PLS3: variants seen among roughly 807,000 people sequenced by gnomAD.
PLS3 encodes the protein plastin-3.
A neutral mutation model predicts 46.5 loss-of-function variants in PLS3; 11 were observed. That is an observed-to-expected ratio of 0.24 (90% CI 0.15 to 0.39). The LOEUF (loss-of-function observed/expected upper bound fraction) is 0.39. Among genes scored for constraint, PLS3 ranks in the 10% least tolerant of loss-of-function variants. The pLI, the probability that PLS3 is intolerant of heterozygous loss-of-function variation, is 1.00. For missense variants in PLS3, 308 were observed against 461.8 expected, an observed-to-expected ratio of 0.67 and a Z score of 3.05; for synonymous variants, 167 against 162.2, an observed-to-expected ratio of 1.03 and a Z score of -0.22.
chrX:115,637,254 A>G (rs2074847306), intron 8 of PLS3, among the ~76,000 whole-genome samples: 1 of 112,020 alleles, frequency 8.9e-6, no homozygotes, highest in African/African-American at 3.2e-5. Context: ...ATTAAAGAAT[A>G]GGACATGACT....
intron 2 of PLS3, 136 bp downstream of exon 2, chrX:115,610,459 G>T: frequency 3.0e-6 from 1 of 333,893 alleles, no homozygotes. Context: ...ATAAAGTTTT[G>T]GAAGCTATAC....
chrX:115,600,397 G>C (rs1556634412), intron 1 of PLS3, among the ~76,000 whole-genome samples: 1 of 110,646 alleles, frequency 9.0e-6, no homozygotes, highest in African/African-American at 3.3e-5. Context: ...AAAGCACTGG[G>C]ATTATAGGCA....
intron 1 of PLS3, among the ~76,000 whole-genome samples, chrX:115,591,200 T>A: frequency 8.9e-6 from 1 of 112,838 alleles, no homozygotes; most frequent in Non-Finnish European, 1.9e-5. Context: ...GTAGAAGATG[T>A]GCCCTTTTGA....
chrX:115,589,543 T>C (rs1398746919), intron 1 of PLS3, among the ~76,000 whole-genome samples: 3 of 111,730 alleles, frequency 2.7e-5, no homozygotes, highest in Non-Finnish European at 5.6e-5. Flanking sequence ...TTTGTTTTTA[T>C]AAGTCATGAA....
rs183334159 is a variant in PLS3, at chrX:115,639,737, G to A, written c.892-671G>A. On this transcript the variant is annotated intron_variant, in intron 8 of 15. Transcript: ENST00000355899. ...AATAGTTTTCAAGCTGTGTTTTGTG[G>A]AGTTGTCCACACAACCTGAATTCAT... is the stretch of plus-strand genomic sequence containing the variant. The A allele has an allele frequency of 1.4e-5, 5 of 346,367 alleles. No individual in the cohort carries two copies. The Admixed American group carries it at 1.5e-4, about 11-fold the overall frequency. 28.5% of individuals were successfully genotyped at this position (346,367 alleles called of 1,213,427 possible). A position where few individuals can be genotyped will look rare whatever the true frequency, so the allele number is the denominator to read the frequency against.
At chrX:115,627,719 G>A (rs1556638656) in intron 3 of PLS3, among the ~76,000 whole-genome samples, 1 of 112,132 alleles carries the variant, frequency 8.9e-6, no homozygotes, top group Non-Finnish European at 1.9e-5. Flanking sequence ...AGTATTTAGA[G>A]TAGTGTGTAT....
chrX:115,611,343 G>A (rs186715476), intron 2 of PLS3, among the ~76,000 whole-genome samples: 11 of 111,447 alleles, frequency 9.9e-5, no homozygotes, highest in Admixed American at 5.6e-4. Flanking sequence ...ATGATCGCGC[G>A]CACGCGCGTG....
chrX:115,630,247 G>A (rs1013994763), intron 5 of PLS3, among the ~76,000 whole-genome samples: 1 of 110,998 alleles, frequency 9.0e-6, no homozygotes, highest in African/African-American at 3.3e-5. Flanking sequence ...GTATGTCAGT[G>A]TCTCTTTATT....
chrX:115,640,524 G>A, intron 9 of PLS3, 21 bp downstream of exon 9: 1 of 880,424 alleles, frequency 1.1e-6, no homozygotes, highest in African/African-American at 1.9e-5. Flanking sequence ...GTGCTCTTTT[G>A]AATTCTACAA....
At chrX:115,613,561 A>G (rs150324522) in intron 2 of PLS3, among the ~76,000 whole-genome samples, 2 of 112,283 alleles carry the variant, frequency 1.8e-5, no homozygotes, top group African/African-American at 6.5e-5. Flanking sequence ...GTGCTCTTTC[A>G]TTGTGCCATC....
In PLS3 at chrX:115,646,500, C is replaced by G. The variant is rs35211005; in HGVS notation, c.1476C>G (p.Thr492=). The change falls in exon 13 of 16, where the codon ACC becomes ACG. Residue 492 remains threonine, a synonymous_variant. Coordinates refer to ENST00000355899, the MANE Select transcript of PLS3 (RefSeq NM_005032.7). ...GGQDLNDGNQ[T]LTLALVWQLM... is the part of the protein sequence containing the mutation. Reference sequence around the variant, plus strand: ...AAGACCTGAATGATGGGAACCAAACCCTGACTTTAGCTTTAGTCTGGCAGC... The same window carrying G: ...AAGACCTGAATGATGGGAACCAAACGCTGACTTTAGCTTTAGTCTGGCAGC... The G allele has an allele frequency of 8.2e-4, 989 of 1,209,616 alleles. 9 individuals carry two copies. The highest frequency in any genetic ancestry group is 3.9e-4 in the Admixed American group (18 of 45,681).
intron 3 of PLS3, among the ~76,000 whole-genome samples, chrX:115,626,696 C>T (rs2074714308): frequency 9.0e-6 from 1 of 110,964 alleles, no homozygotes; most frequent in African/African-American, 3.3e-5. Flanking sequence ...GGTCATGTAA[C>T]TTTTGCAAGA....
At chrX:115,590,847 CAAAA>C (rs2031432773) in intron 1 of PLS3, among the ~76,000 whole-genome samples, 1 of 109,135 alleles carries the variant, frequency 9.2e-6, no homozygotes, top group African/African-American at 3.3e-5. Context: ...ATAAAAGAAA[CAAAA>C]AACTGGCCGG....
chrX:115,600,264 G>A (rs1176801064), intron 1 of PLS3, among the ~76,000 whole-genome samples: 1 of 110,593 alleles, frequency 9.0e-6, no homozygotes, highest in East Asian at 2.8e-4. Context: ...TAGGACTACA[G>A]GCTCAGGCCA....
At chrX:115,628,271 GT>G (rs1366486876) in intron 3 of PLS3, among the ~76,000 whole-genome samples, 1 of 112,361 alleles carries the variant, frequency 8.9e-6, no homozygotes, top group Non-Finnish European at 1.9e-5. Flanking sequence ...ATACATATCT[GT>G]CACGAATGTT....
chrX:115,622,072 C>G, intron 2 of PLS3, 174 bp from the exon 3 acceptor site: 1 of 414,889 alleles, frequency 2.4e-6, no homozygotes, highest in Non-Finnish European at 4.2e-6. Context: ...GATGTAAAAC[C>G]TTGCTTTTTC....
At chrX:115,636,792 T>C in intron 7 of PLS3, 44 bp from the exon 8 acceptor site, 1 of 1,136,270 alleles carries the variant, frequency 8.8e-7, no homozygotes, top group Non-Finnish European at 1.2e-6. Context: ...ATGACCATTA[T>C]TGTGTCATAT....
chrX:115,623,021 C>T (rs1353927949), intron 3 of PLS3, among the ~76,000 whole-genome samples: 1 of 111,107 alleles, frequency 9.0e-6, no homozygotes, highest in Non-Finnish European at 1.9e-5. Flanking sequence ...CTTTCACCCC[C>T]CCACCCCACT....
intron 5 of PLS3, among the ~76,000 whole-genome samples, chrX:115,631,363 G>T (rs782681803): frequency 9.1e-6 from 1 of 109,553 alleles, no homozygotes; most frequent in East Asian, 2.8e-4. Context: ...GAGCCACCGC[G>T]CCCGGCTGAC....
Sources: allele counts gnomAD v4.1 joint callset (sites outside exome capture counted in the v4.1 genomes callset), GRCh38; gene constraint gnomAD v4.1.1; transcripts MANE v1.5; gene names NCBI Gene and HGNC (gene_info 2026-07-23, HGNC 2026-07-21).